The following ADGRB3 variants were observed in gnomAD, a reference collection of about 807,000 sequenced individuals.
ADGRB3 encodes the protein adhesion G protein-coupled receptor B3.
ADGRB3 carries 37 observed loss-of-function variants against 193.4 expected under a neutral mutation model. The ratio of observed to expected loss-of-function variants is 0.19; its 90% CI spans 0.15 to 0.25. The LOEUF (loss-of-function observed/expected upper bound fraction) is 0.25, where lower values mean the gene tolerates loss of function less well. Among genes scored for constraint, ADGRB3 ranks in the 10% least tolerant of loss-of-function variants. The pLI is 1.00. For missense variants in ADGRB3, 1,637 were observed against 1,852.9 expected (o/e 0.88, Z 2.14); for synonymous variants, 690 against 644.2 (o/e 1.07, Z -1.08).
intron 16 of ADGRB3, among the ~76,000 whole-genome samples, chr6:69,075,638 G>C (rs1435973092): frequency 6.6e-6 from 1 of 152,056 alleles, no homozygotes; most frequent in Non-Finnish European, 1.5e-5. Context: ...TGTGAATACT[G>C]TAATCTTAAA....
At chr6:69,107,480 C>T (rs1773247242) in intron 17 of ADGRB3, among the ~76,000 whole-genome samples, 1 of 152,202 alleles carries the variant, frequency 6.6e-6, no homozygotes, top group African/African-American at 2.4e-5. Context: ...TATATTCCTT[C>T]TTTGATTGTA....
chr6:68,716,211 G>A (rs918247616), intron 3 of ADGRB3, among the ~76,000 whole-genome samples: 1 of 151,612 alleles, frequency 6.6e-6, no homozygotes, highest in African/African-American at 2.4e-5. Flanking sequence ...AAATGTCTGG[G>A]AATACCTGGA....
chr6:69,359,314 C>A (rs995246436), intron 28 of ADGRB3, among the ~76,000 whole-genome samples: 3 of 151,156 alleles, frequency 2.0e-5, no homozygotes, highest in African/African-American at 7.3e-5. Context: ...ATCATTACTC[C>A]TGGAAATTAC....
intron 4 of ADGRB3, among the ~76,000 whole-genome samples, chr6:68,933,196 G>C (rs1767390834): frequency 6.6e-6 from 1 of 151,862 alleles, no homozygotes; most frequent in Non-Finnish European, 1.5e-5. Flanking sequence ...AAGCATCATA[G>C]TCATCAATTA....
chr6:69,306,335 C>G (rs1419323497), intron 20 of ADGRB3, among the ~76,000 whole-genome samples: 1 of 151,426 alleles, frequency 6.6e-6, no homozygotes, highest in East Asian at 1.9e-4. Context: ...ACATTTTTCT[C>G]TTGTTTTGCC....
chr6:68,865,892 G>A (rs1765282555), intron 3 of ADGRB3, among the ~76,000 whole-genome samples: 1 of 152,046 alleles, frequency 6.6e-6, no homozygotes, highest in Non-Finnish European at 1.5e-5. Flanking sequence ...TTTCCACCAT[G>A]GCCAGGAGAA....
chr6:69,055,380 G>A lies in ADGRB3; in HGVS notation c.2333+6034G>A, dbSNP rs572497389. 7.0e-4 allele frequency among the ~76,000 whole-genome samples: 106 copies of A among 152,278 alleles called. 1 individual carries two copies. Among genetic ancestry groups the A allele is most frequent in the African/African-American group, 2.4e-3 (101 of 41,568 alleles). ...AAATACCTCATGTAAGTGGAATCAT[G>A]CAGTATTCATCTTTTTGTGATTGAT... On this transcript the variant is annotated intron_variant, in intron 15 of 31. Transcript: ENST00000370598.
rs535977043 is a variant in ADGRB3 at position 69,157,981 on chromosome 6, A to G, written c.2481-75309A>G. Among the ~76,000 whole-genome samples the G allele has an allele frequency of 2.0e-5, 3 of 152,168 alleles. No individual in the cohort carries two copies. In the East Asian group the frequency reaches 5.8e-4, roughly 29 times the overall value. ...TCTTGTCTAGGTTTCTTGGACTGGTATTTTGTTACTTGCAGTAGAATCATC... is the reference window on the plus strand; with the variant it reads ...TCTTGTCTAGGTTTCTTGGACTGGTGTTTTGTTACTTGCAGTAGAATCATC... On this transcript the variant is annotated intron_variant, in intron 17 of 31. Coordinates refer to ENST00000370598, the MANE Select transcript of ADGRB3 (RefSeq NM_001704.3).
intron 22 of ADGRB3, among the ~76,000 whole-genome samples, chr6:69,328,463 G>T (rs1768632371): frequency 6.6e-6 from 1 of 152,228 alleles, no homozygotes; most frequent in East Asian, 1.9e-4. Context: ...GAGAGAATTT[G>T]TGTTTGAATT....
chr6:69,332,778 C>T (rs1354909139), intron 23 of ADGRB3, 145 bp from the exon 24 acceptor site: 2 of 1,430,760 alleles, frequency 1.4e-6, no homozygotes, highest in East Asian at 5.1e-5. Flanking sequence ...TATGCCTCTG[C>T]TCACTTATAA....
At chr6:69,271,094 C>T (rs745880642) in intron 20 of ADGRB3, among the ~76,000 whole-genome samples, 13 of 152,030 alleles carry the variant, frequency 8.6e-5, no homozygotes, top group Non-Finnish European at 1.9e-4. Flanking sequence ...CAGAATTGTT[C>T]TGTTAAAAAT....
rs566303189 is a variant in ADGRB3, at chr6:69,292,256, A to AT, written c.2815-32607dup. ...ACTTCCTCAGGACAGATAGAAAGAT[A>AT]TTTTTTTTTCTTCTGCACAAACATT... is the stretch of plus-strand genomic sequence containing the variant. On this transcript the variant is annotated intron_variant, in intron 20 of 31. Transcript: ENST00000370598. Among the ~76,000 whole-genome samples, 181 of 151,770 alleles carry AT rather than the reference A, an allele frequency of 1.2e-3. 2 individuals carry two copies. The South Asian group carries it at 0.033, about 28-fold the overall frequency.
intron 20 of ADGRB3, among the ~76,000 whole-genome samples, chr6:69,306,019 G>A (rs1033099825): frequency 6.6e-6 from 1 of 151,430 alleles, no homozygotes; most frequent in Non-Finnish European, 1.5e-5. Context: ...TAAAGTACAT[G>A]GAAGGATGTG....
intron 3 of ADGRB3, among the ~76,000 whole-genome samples, chr6:68,679,283 T>C (rs1471652517): frequency 1.3e-5 from 2 of 152,220 alleles, no homozygotes; most frequent in Non-Finnish European, 2.9e-5. Flanking sequence ...GTGAACGTGC[T>C]CCTGCTTTGT....
chr6:69,232,699 C>T (rs925397928), intron 17 of ADGRB3: 27 of 1,324,812 alleles, frequency 2.0e-5, no homozygotes, highest in Non-Finnish European at 2.7e-5. Flanking sequence ...GATGCCGCTG[C>T]TGCTGCTTCC....
chr6:69,177,582 G>A (rs565397254), intron 17 of ADGRB3, among the ~76,000 whole-genome samples: 274 of 152,134 alleles, frequency 1.8e-3, no homozygotes, highest in African/African-American at 6.2e-3. Flanking sequence ...TCTTGACCTC[G>A]TGATCCACCC....
intron 3 of ADGRB3, among the ~76,000 whole-genome samples, chr6:68,924,805 A>G (rs1175984780): frequency 6.6e-6 from 1 of 151,980 alleles, no homozygotes; most frequent in East Asian, 1.9e-4. Flanking sequence ...GGAACCAAGA[A>G]ATAATAAGAA....
intron 17 of ADGRB3, among the ~76,000 whole-genome samples, chr6:69,203,552 C>G (rs1327296076): frequency 6.6e-6 from 1 of 151,868 alleles, no homozygotes; most frequent in African/African-American, 2.4e-5. Context: ...CTTAAAAGCT[C>G]TCAATATTGC....
At chr6:68,952,633 G>A (rs564041433) in intron 6 of ADGRB3, among the ~76,000 whole-genome samples, 24 of 150,780 alleles carry the variant, frequency 1.6e-4, no homozygotes, top group Non-Finnish European at 3.0e-4. Context: ...ATGTACTCTA[G>A]AACTTAAAGT....
Sources: allele counts gnomAD v4.1 joint callset (sites outside exome capture counted in the v4.1 genomes callset), GRCh38; gene constraint gnomAD v4.1.1; transcripts MANE v1.5; gene names NCBI Gene and HGNC (gene_info 2026-07-23, HGNC 2026-07-21).